Variants in COMMD1 observed in about 807,000 individuals in gnomAD.
COMMD1 encodes the protein copper metabolism domain containing 1.
In COMMD1, 10 loss-of-function variants were observed where a neutral mutation model predicts 17.2. That is an observed-to-expected ratio of 0.58 (90% CI 0.36 to 0.99). COMMD1 has a LOEUF of 0.99. Among genes scored for constraint, COMMD1 ranks in the 50% least tolerant of loss-of-function variants. COMMD1 has a pLI of 0.01. For missense variants in COMMD1, 270 were observed against 231.8 expected, an observed-to-expected ratio of 1.17 and a Z score of -1.07; for synonymous variants, 97 against 91.6, an observed-to-expected ratio of 1.06 and a Z score of -0.34.
chr2:61,977,240 G>C (rs1278538616), intron 1 of COMMD1, among the ~76,000 whole-genome samples: 30 of 118,870 alleles, frequency 2.5e-4, no homozygotes, highest in African/African-American at 1.0e-3. Flanking sequence ...AATAAAGTTT[G>C]CTTTTTTTTT....
intron 1 of COMMD1, among the ~76,000 whole-genome samples, chr2:61,966,581 A>C (rs1186398408): frequency 2.6e-5 from 4 of 152,022 alleles, no homozygotes; most frequent in Middle Eastern, 3.2e-3. Flanking sequence ...TTCATGTATA[A>C]AGGCTCTAGT....
chr2:61,891,811 A>G (rs1484340183), intron 1 of COMMD1, among the ~76,000 whole-genome samples: 1 of 151,756 alleles, frequency 6.6e-6, no homozygotes, highest in Non-Finnish European at 1.5e-5. Context: ...TGTTTTTAAA[A>G]CTTTCTGATA....
intron 2 of COMMD1, among the ~76,000 whole-genome samples, chr2:62,046,378 A>T (rs1208685093): frequency 6.6e-6 from 1 of 152,224 alleles, no homozygotes; most frequent in Non-Finnish European, 1.5e-5. Flanking sequence ...GATAGTGTGA[A>T]CAAAAGTGCT....
intron 2 of COMMD1, among the ~76,000 whole-genome samples, chr2:62,083,138 A>T (rs1671572268): frequency 6.6e-6 from 1 of 152,210 alleles, no homozygotes; most frequent in African/African-American, 2.4e-5. Flanking sequence ...ACATGCCAGT[A>T]GTCCCATCTA....
chr2:61,901,631 AAAT>A (rs1207501573), upstream of COMMD1, among the ~76,000 whole-genome samples: 4 of 152,188 alleles, frequency 2.6e-5, no homozygotes, highest in East Asian at 7.7e-4. Flanking sequence ...CCCCCACAAA[AAAT>A]AATTTTATTT....
chr2:61,888,545 C>G (rs750142476), upstream of COMMD1: 14 of 1,593,562 alleles, frequency 8.8e-6, no homozygotes, highest in East Asian at 3.1e-4. Flanking sequence ...TCGGGAAGGA[C>G]GGATGGACCC....
chr2:62,021,074 C>A (rs898858253), intron 2 of COMMD1, among the ~76,000 whole-genome samples: 12 of 151,930 alleles, frequency 7.9e-5, no homozygotes, highest in African/African-American at 2.9e-4. Flanking sequence ...CTTTAGGAGG[C>A]CTTTTGTCTA....
At chr2:62,033,904 G>A (rs1669973254) in intron 2 of COMMD1, among the ~76,000 whole-genome samples, 1 of 151,978 alleles carries the variant, frequency 6.6e-6, no homozygotes, top group African/African-American at 2.4e-5. Context: ...GAGGCCAGGA[G>A]TTCAATACCA....
chr2:62,080,423 A>T (rs912200722), intron 2 of COMMD1, among the ~76,000 whole-genome samples: 3 of 152,196 alleles, frequency 2.0e-5, no homozygotes, highest in African/African-American at 7.2e-5. Context: ...TCTGTTCTGT[A>T]TACTTGGTGT....
chr2:62,038,142 G>T (rs1206465363), intron 2 of COMMD1, among the ~76,000 whole-genome samples: 2 of 152,052 alleles, frequency 1.3e-5, no homozygotes, highest in East Asian at 3.9e-4. Flanking sequence ...TACAAAACTA[G>T]TCGGGCGTGG....
At chr2:62,048,459 A>T (rs1670445450) in intron 2 of COMMD1, among the ~76,000 whole-genome samples, 1 of 152,062 alleles carries the variant, frequency 6.6e-6, no homozygotes, top group African/African-American at 2.4e-5. Flanking sequence ...AAGTGCTGGG[A>T]TTACAGGCAT....
At chr2:61,972,625 T>A (rs1324853934) in intron 1 of COMMD1, among the ~76,000 whole-genome samples, 1 of 152,192 alleles carries the variant, frequency 6.6e-6, no homozygotes, top group Non-Finnish European at 1.5e-5. Flanking sequence ...TGGCACTTTA[T>A]CTCTGCGTTC....
intron 2 of COMMD1, among the ~76,000 whole-genome samples, chr2:62,069,059 T>C (rs1328763456): frequency 3.9e-5 from 6 of 152,216 alleles, no homozygotes; most frequent in Non-Finnish European, 8.8e-5. Context: ...AGCTATAATA[T>C]AGAGGATTTA....
At chr2:62,128,936 A>C (rs1243777516) in intron 2 of COMMD1, among the ~76,000 whole-genome samples, 5 of 147,792 alleles carry the variant, frequency 3.4e-5, no homozygotes, top group African/African-American at 1.3e-4. Context: ...TGGGCAACAG[A>C]GCGAAACTCC....
rs563274795 is a variant in COMMD1 at position 62,070,543 on chromosome 2, G to A, written c.463-65288G>A. Among the ~76,000 whole-genome samples the A allele has an allele frequency of 4.4e-3, 360 of 82,308 alleles. 1 individual carries two copies. In the Middle Eastern group the frequency reaches 0.057, roughly 13 times the overall value. The allele number at this position is 82,308 out of a possible 152,430, so 54.0% of individuals were successfully genotyped here. A position where few individuals can be genotyped will look rare whatever the true frequency, so the allele number is the denominator to read the frequency against. ...AGCCTGAATGACAGAGCAAGACCCT[G>A]TCTCTAAAAAAAAAAAAAAAACAAC... is the stretch of plus-strand genomic sequence containing the variant. On this transcript the variant is annotated intron_variant, in intron 2 of 2. Coordinates refer to ENST00000311832, the MANE Select transcript of COMMD1 (RefSeq NM_152516.4).
At chr2:62,083,236 C>T (rs181894894) in intron 2 of COMMD1, among the ~76,000 whole-genome samples, 132 of 151,800 alleles carry the variant, frequency 8.7e-4, no homozygotes, top group African/African-American at 3.0e-3. Flanking sequence ...GTGCTGCAGC[C>T]TGGGTGACAG....
intron 2 of COMMD1, among the ~76,000 whole-genome samples, chr2:62,111,361 G>T (rs1672450106): frequency 6.6e-6 from 1 of 152,176 alleles, no homozygotes; most frequent in South Asian, 2.1e-4. Context: ...AAGATCCCAA[G>T]ACATAGGGAA....
intron 2 of COMMD1, among the ~76,000 whole-genome samples, chr2:62,049,910 G>T (rs1313965258): frequency 7.7e-6 from 1 of 129,302 alleles, no homozygotes; most frequent in Admixed American, 7.5e-5. Context: ...TTAATATATT[G>T]TTATTATTAT....
intron 1 of COMMD1, among the ~76,000 whole-genome samples, chr2:61,896,804 G>A (rs115619843): frequency 5.6e-4 from 84 of 149,490 alleles, no homozygotes; most frequent in African/African-American, 2.1e-3. Flanking sequence ...TATGAAAGGT[G>A]TTCTTTTTCC....
Sources: gnomAD v4.1 joint callset for allele counts (sites outside exome capture counted in the v4.1 genomes callset) on GRCh38, gnomAD v4.1.1 for gene constraint, MANE v1.5 for transcripts, NCBI Gene and HGNC (gene_info 2026-07-23, HGNC 2026-07-21) for gene names.